Variants in AHRR observed in about 807,000 individuals in gnomAD.
AHRR encodes aryl hydrocarbon receptor repressor.
In AHRR, 28 loss-of-function variants were observed where a neutral mutation model predicts 44.0. The observed-to-expected ratio is 0.64, with a 90% CI of 0.47 to 0.87. The LOEUF (loss-of-function observed/expected upper bound fraction) is 0.87, where lower values mean the gene tolerates loss of function less well. AHRR is among the 40% of genes least tolerant of loss of function. AHRR has a pLI of 0.00. For missense variants in AHRR, 990 were observed against 953.9 expected (o/e 1.04, Z -0.50); for synonymous variants, 434 against 407.0 (o/e 1.07, Z -0.80).
At chr5:351,087 A>G (rs994430106) in intron 2 of AHRR, among the ~76,000 whole-genome samples, 4 of 152,170 alleles carry the variant, frequency 2.6e-5, no homozygotes, top group African/African-American at 9.7e-5. Flanking sequence ...GGCTGTAATC[A>G]AAAAAACAGA....
chr5:421,554 A>T (rs1360878931), intron 5 of AHRR, among the ~76,000 whole-genome samples: 1 of 152,228 alleles, frequency 6.6e-6, no homozygotes. Flanking sequence ...GTTACCCTCC[A>T]GTTACAAGTC....
rs765133895 is a variant in AHRR at position 387,219 on chromosome 5, C to T, written c.351+10503C>T. On this transcript the variant is annotated intron_variant, in intron 4 of 10. Transcript: ENST00000684583. This position sits in a 1 kb window ranked among gnomAD's most constrained non-coding sequence, Gnocchi z 5.1. ...ACACGTGTCAGTTCGTACACAGAAG[C>T]GGGGTCCTGTCTCCTGCTCTCTCCT... Among the ~76,000 whole-genome samples the T allele has an allele frequency of 1.3e-5, 2 of 152,208 alleles. No individual in the cohort carries two copies. Among genetic ancestry groups the T allele is most frequent in the African/African-American group, 2.4e-5 (1 of 41,452 alleles).
In AHRR at chr5:436,861, C is replaced by G. The variant is rs749839983; in HGVS notation, c.*2027C>G. ...TGAAGACCAGGCACCTGAGGACTGG[C>G]GCCTACTTCCCACTTTGGCCCTACA... On this transcript the variant is annotated 3_prime_UTR_variant, in exon 11 of 11. Coordinates refer to ENST00000684583, the MANE Select transcript of AHRR (RefSeq NM_001377236.1). 1 of 152,400 alleles carries G rather than the reference C, an allele frequency of 6.6e-6. No homozygotes were observed. Among genetic ancestry groups the G allele is most frequent in the Non-Finnish European group, 1.5e-5 (1 of 68,098 alleles). 9.4% of individuals were successfully genotyped at this position (152,400 alleles called of 1,614,324 possible). A position where few individuals can be genotyped will look rare whatever the true frequency, so the allele number is the denominator to read the frequency against.
chr5:375,410 G>A (rs1018727974), intron 3 of AHRR, among the ~76,000 whole-genome samples: 1 of 152,130 alleles, frequency 6.6e-6, no homozygotes. Flanking sequence ...TGAGGGTGGT[G>A]GGGGGCTGCT....
intron 2 of AHRR, among the ~76,000 whole-genome samples, chr5:349,048 A>G (rs1323799303): frequency 6.6e-6 from 1 of 152,008 alleles, no homozygotes. Flanking sequence ...TTTAATGTGC[A>G]TTTCCCTAGT....
chr5:327,431 C>T (rs906127895), intron 1 of AHRR, among the ~76,000 whole-genome samples: 2 of 152,222 alleles, frequency 1.3e-5, no homozygotes, highest in Non-Finnish European at 2.9e-5. Context: ...TCACTACGTC[C>T]GTGTGTATAC....
intron 4 of AHRR, among the ~76,000 whole-genome samples, chr5:408,437 A>G (rs1331552072): frequency 6.6e-6 from 1 of 151,518 alleles, no homozygotes; most frequent in Non-Finnish European, 1.5e-5. Flanking sequence ...TTCACCATAT[A>G]TGGAGATAAT....
At chr5:373,923 G>A (rs1178840200) in intron 3 of AHRR, among the ~76,000 whole-genome samples, 1 of 151,190 alleles carries the variant, frequency 6.6e-6, no homozygotes, top group South Asian at 2.1e-4. Flanking sequence ...GGCTGCGGGG[G>A]AAGTAGGGGG....
intron 8 of AHRR, chr5:432,237 T>G: frequency 1.9e-6 from 1 of 515,152 alleles, no homozygotes; most frequent in Non-Finnish European, 3.5e-6. Flanking sequence ...TAGCCCTTCA[T>G]TGGCCTGAAA....
chr5:364,145 A>G (rs2126414150), intron 3 of AHRR, among the ~76,000 whole-genome samples: 1 of 152,362 alleles, frequency 6.6e-6, no homozygotes, highest in Admixed American at 6.5e-5. Context: ...CTTTAAAAAT[A>G]CATTTGTGGG....
chr5:423,022 C>G (rs1460335805), intron 6 of AHRR, among the ~76,000 whole-genome samples, 164 bp downstream of exon 6: 1 of 152,190 alleles, frequency 6.6e-6, no homozygotes, highest in East Asian at 1.9e-4. Context: ...TCCCATGTCC[C>G]TCCCTGTCCT....
chr5:377,999 G>A (rs550180333), intron 4 of AHRR, among the ~76,000 whole-genome samples: 2 of 152,316 alleles, frequency 1.3e-5, no homozygotes, highest in South Asian at 2.1e-4. Flanking sequence ...GGGAGGTTGA[G>A]CAGTTCCCGA....
At chr5:414,238 GGGT>G (rs1735610273) in intron 5 of AHRR, among the ~76,000 whole-genome samples, 2 of 152,090 alleles carry the variant, frequency 1.3e-5, no homozygotes, top group Non-Finnish European at 2.9e-5. Context: ...ACTCCAGCCT[GGGT>G]GACAGAGCGA....
intron 1 of AHRR, chr5:322,599 C>A (rs1261940490): frequency 6.6e-6 from 1 of 152,238 alleles, no homozygotes; most frequent in East Asian, 1.9e-4. Context: ...ACGCCACCCC[C>A]ACGGGGCCTC....
intron 9 of AHRR, 93 bp from the exon 10 acceptor site, chr5:432,713 G>C (rs867405431): frequency 1.3e-6 from 2 of 1,594,910 alleles, no homozygotes; most frequent in African/African-American, 2.7e-5. Context: ...CTGAGGAGCC[G>C]ATGGGTCCTG....
At chr5:339,533 T>C (rs1480109671) in intron 1 of AHRR, among the ~76,000 whole-genome samples, 2 of 152,236 alleles carry the variant, frequency 1.3e-5, no homozygotes, top group Admixed American at 1.3e-4. Context: ...AGACTTTTAC[T>C]TACTTTACTG....
chr5:325,573 T>C (rs1242971384), intron 1 of AHRR, among the ~76,000 whole-genome samples: 1 of 152,156 alleles, frequency 6.6e-6, no homozygotes, highest in Non-Finnish European at 1.5e-5. Context: ...GAGACGAGGC[T>C]GGGCATCCCA....
At chr5:421,128 C>T (rs938346139) in intron 5 of AHRR, 41 of 558,942 alleles carry the variant, frequency 7.3e-5, no homozygotes, top group Non-Finnish European at 1.2e-4. Context: ...GCGTTCGCGC[C>T]TTAACTGGAA....
intron 4 of AHRR, among the ~76,000 whole-genome samples, chr5:391,376 G>A (rs367657516): frequency 0.045 from 4,343 of 96,978 alleles, 50 homozygotes; most frequent in African/African-American, 0.093. Flanking sequence ...GCGTGCATGG[G>A]CGCAGGGCGA....
Sources: allele counts gnomAD v4.1 joint callset (sites outside exome capture counted in the v4.1 genomes callset), GRCh38; gene constraint gnomAD v4.1.1; non-coding constraint Gnocchi (gnomAD v3.1); transcripts MANE v1.5; gene names NCBI Gene and HGNC (gene_info 2026-07-23, HGNC 2026-07-21).